MNAT1: variants seen among roughly 807,000 people sequenced by gnomAD.
The protein encoded by MNAT1 is MNAT1 component of CDK activating kinase.
A neutral mutation model predicts 42.0 loss-of-function variants in MNAT1; 43 were observed. That is an observed-to-expected ratio of 1.02 (90% CI 0.80 to 1.32). The LOEUF (loss-of-function observed/expected upper bound fraction) is 1.32, where lower values mean the gene tolerates loss of function less well. Ranked by LOEUF, MNAT1 falls within the 40% of genes most tolerant of loss-of-function variation. MNAT1 has a pLI of 0.00. For missense variants in MNAT1, 306 were observed against 350.4 expected, an observed-to-expected ratio of 0.87 and a Z score of 1.01; for synonymous variants, 118 against 120.0, an observed-to-expected ratio of 0.98 and a Z score of 0.11.
intron 1 of MNAT1, among the ~76,000 whole-genome samples, chr14:60,742,472 T>C (rs1896502459): frequency 6.6e-6 from 1 of 152,246 alleles, no homozygotes; most frequent in Non-Finnish European, 1.5e-5. Flanking sequence ...ATTTTTGCTT[T>C]AAACAGTCAG....
At chr14:60,968,132 T>C in intron 7 of MNAT1, 97 bp from the exon 8 acceptor site, 1 of 867,164 alleles carries the variant, frequency 1.2e-6, no homozygotes, top group Non-Finnish European at 1.8e-6. Flanking sequence ...TCGGAATTCC[T>C]CTTTAAAACT....
At chr14:60,958,775 T>C (rs2036532784) in intron 7 of MNAT1, among the ~76,000 whole-genome samples, 1 of 151,738 alleles carries the variant, frequency 6.6e-6, no homozygotes, top group African/African-American at 2.4e-5. Flanking sequence ...TAGCTGGGAC[T>C]ACAGGCGCCC....
intron 7 of MNAT1, among the ~76,000 whole-genome samples, chr14:60,924,330 A>C (rs1294779978): frequency 6.7e-6 from 1 of 150,118 alleles, no homozygotes; most frequent in Non-Finnish European, 1.5e-5. Context: ...CCCAGAATTT[A>C]TATTACTAAG....
Position 60,969,590 on chromosome 14 carries a change from AG to A in MNAT1, c.*1243del, listed in dbSNP as rs2036745098. ...TAGTAAAAAGCCAGAATTAGAATGC[AG>A]GTTTTTTTTTTCAAAGTCCAGTTCC... On this transcript the variant is annotated 3_prime_UTR_variant, in exon 8 of 8. Transcript: ENST00000261245. 1 of 152,148 alleles carries A rather than the reference AG, an allele frequency of 6.6e-6. No individual in the cohort carries two copies. Among genetic ancestry groups the A allele is most frequent in the African/African-American group, 2.4e-5 (1 of 41,536 alleles). The allele number at this position is 152,148 out of a possible 1,614,324, so 9.4% of individuals were successfully genotyped here.
At chr14:60,775,488 TA>T (rs897636363) in intron 1 of MNAT1, among the ~76,000 whole-genome samples, 2 of 152,112 alleles carry the variant, frequency 1.3e-5, no homozygotes, top group African/African-American at 4.8e-5. Flanking sequence ...AGAGTCAATT[TA>T]AAAAAATGGT....
intron 7 of MNAT1, among the ~76,000 whole-genome samples, chr14:60,913,403 C>G (rs1164210895): frequency 6.6e-6 from 1 of 152,160 alleles, no homozygotes; most frequent in Non-Finnish European, 1.5e-5. Context: ...GAGAGGCGCT[C>G]TGATTTTTAG....
chr14:60,962,812 A>G (rs1245535643), intron 7 of MNAT1, among the ~76,000 whole-genome samples: 1 of 152,152 alleles, frequency 6.6e-6, no homozygotes, highest in African/African-American at 2.4e-5. Flanking sequence ...TGGCATAACT[A>G]TTCACTCTCT....
chr14:60,958,065 G>A lies in MNAT1; in HGVS notation c.810-10164G>A, dbSNP rs113057238. Among the ~76,000 whole-genome samples, 812 of 152,166 alleles carry A rather than the reference G, an allele frequency of 5.3e-3. 16 individuals carry two copies. Among genetic ancestry groups the A allele is most frequent in the African/African-American group, 0.018 (763 of 41,504 alleles). ...TTGGTCAGGCTGGTCTCGAACTTCC[G>A]ACCTCAGGTGATCTGCCCGCCTCAC... On this transcript the variant is annotated intron_variant, in intron 7 of 7. Transcript: ENST00000261245.
chr14:60,818,185 GTTAC>G (rs2032774179), intron 5 of MNAT1, among the ~76,000 whole-genome samples: 1 of 151,870 alleles, frequency 6.6e-6, no homozygotes, highest in South Asian at 2.1e-4. Context: ...CTGTCATTTT[GTTAC>G]TTAAGTTAGA....
At chr14:60,960,126 G>A (rs1476177743) in intron 7 of MNAT1, among the ~76,000 whole-genome samples, 3 of 152,060 alleles carry the variant, frequency 2.0e-5, no homozygotes, top group Non-Finnish European at 4.4e-5. Flanking sequence ...CTATGCATAT[G>A]CCCTTTGGAG....
chr14:60,954,721 C>T (rs1448483184), intron 7 of MNAT1, among the ~76,000 whole-genome samples: 1 of 152,006 alleles, frequency 6.6e-6, no homozygotes, highest in Non-Finnish European at 1.5e-5. Context: ...CTTCTTTTGC[C>T]TAATTGCTCT....
chr14:60,857,366 T>A (rs1178636958), intron 6 of MNAT1, among the ~76,000 whole-genome samples: 1 of 151,932 alleles, frequency 6.6e-6, no homozygotes, highest in Non-Finnish European at 1.5e-5. Flanking sequence ...ATAAGAGAAC[T>A]AGAATTAGCA....
intron 7 of MNAT1, among the ~76,000 whole-genome samples, chr14:60,922,054 C>G (rs1473391595): frequency 6.6e-6 from 1 of 152,118 alleles, no homozygotes; most frequent in Non-Finnish European, 1.5e-5. Context: ...TTAAATCACC[C>G]TTTTGGTAAT....
intron 7 of MNAT1, among the ~76,000 whole-genome samples, chr14:60,885,967 T>C (rs2034659926): frequency 6.6e-6 from 1 of 152,044 alleles, no homozygotes; most frequent in South Asian, 2.1e-4. Flanking sequence ...AGGGCCAGTT[T>C]CATTCACTTG....
chr14:60,759,306 TC>T (rs2030497104), intron 1 of MNAT1, among the ~76,000 whole-genome samples: 1 of 152,220 alleles, frequency 6.6e-6, no homozygotes. Flanking sequence ...CTTCTCTCTC[TC>T]CTCAGCTTCC....
At position 60,734,764 on chromosome 14, in the gene MNAT1, C is replaced by A. The variant is rs983673251; in HGVS notation, c.-99C>A. 5.7e-6 allele frequency: 6 copies of A among 1,044,540 alleles called. No individual in the cohort carries two copies. Among genetic ancestry groups the A allele is most frequent in the African/African-American group, 1.6e-5 (1 of 63,940 alleles). 64.7% of individuals were successfully genotyped at this position (1,044,540 alleles called of 1,614,324 possible). Reference sequence around the variant, plus strand: ...TCGCGAAGGGACCGTCTCTGCCAAGCGCCTGTTGGTAGGAACCTGCTTGGT... The same window carrying A: ...TCGCGAAGGGACCGTCTCTGCCAAGAGCCTGTTGGTAGGAACCTGCTTGGT... On this transcript the variant is annotated 5_prime_UTR_variant, in exon 1 of 8. Coordinates refer to ENST00000261245, the MANE Select transcript of MNAT1 (RefSeq NM_002431.4). The surrounding 1 kb of genome is among the most constrained non-coding windows in gnomAD (Gnocchi z 4.3).
At chr14:60,948,034 T>C (rs2036314573) in intron 7 of MNAT1, among the ~76,000 whole-genome samples, 1 of 152,162 alleles carries the variant, frequency 6.6e-6, no homozygotes, top group African/African-American at 2.4e-5. Context: ...ACCCTCTCTT[T>C]CTCCAATCTA....
intron 7 of MNAT1, among the ~76,000 whole-genome samples, chr14:60,946,547 C>A (rs1279140699): frequency 6.6e-6 from 1 of 151,178 alleles, no homozygotes; most frequent in Non-Finnish European, 1.5e-5. Context: ...TTTTTTCTTC[C>A]TCTGATTTCT....
At chr14:60,735,567 A>T (rs1458535545) in intron 1 of MNAT1, among the ~76,000 whole-genome samples, 2 of 152,190 alleles carry the variant, frequency 1.3e-5, no homozygotes, top group African/African-American at 4.8e-5. Context: ...GAATTATCTC[A>T]GTTCATTCCT....
Sources: allele counts gnomAD v4.1 joint callset (sites outside exome capture counted in the v4.1 genomes callset), GRCh38; gene constraint gnomAD v4.1.1; non-coding constraint Gnocchi (gnomAD v3.1); transcripts MANE v1.5; gene names NCBI Gene and HGNC (gene_info 2026-07-23, HGNC 2026-07-21).